The following FMN1 variants were observed in gnomAD, a reference collection of about 807,000 sequenced individuals.
The protein encoded by FMN1 is formin 1, also known as formin-1.
FMN1 carries 110 observed loss-of-function variants against 132.4 expected under a neutral mutation model. The ratio of observed to expected loss-of-function variants is 0.83; its 90% CI spans 0.71 to 0.97. FMN1 has a LOEUF of 0.97. FMN1 is among the 50% of genes least tolerant of loss of function. FMN1 has a pLI of 0.00. For synonymous variants in FMN1, 722 were observed against 651.7 expected, an observed-to-expected ratio of 1.11 and a Z score of -1.64; for missense variants, 1,792 against 1,705.3, an observed-to-expected ratio of 1.05 and a Z score of -0.90.
intron 9 of FMN1, among the ~76,000 whole-genome samples, chr15:32,959,001 C>T (rs1055795647): frequency 6.7e-6 from 1 of 150,232 alleles, no homozygotes; most frequent in Non-Finnish European, 1.5e-5. Flanking sequence ...CGAGATCACA[C>T]CATTGCACTC....
At position 32,768,719 on chromosome 15, in the gene FMN1, A is replaced by C. The variant is rs538096750; in HGVS notation, c.*5591T>G. 2.0e-5 allele frequency: 3 copies of C among 152,342 alleles called. No individual in the cohort carries two copies. Among genetic ancestry groups the C allele is most frequent in the East Asian group, 3.9e-4 (2 of 5,184 alleles). The allele number at this position is 152,342 out of a possible 1,614,324, so 9.4% of individuals were successfully genotyped here. The stretch of plus-strand genomic sequence containing the variant: ...CACACAAAGCTTGGAAAAATAGCCC[A>C]CAAGTGTAGTTGGATCAGCCTTTAG... On this transcript the variant is annotated 3_prime_UTR_variant, in exon 21 of 21. Coordinates refer to ENST00000616417, the MANE Select transcript of FMN1 (RefSeq NM_001277313.2).
rs552737246 is a variant in FMN1, at chr15:32,934,769, G to A, written c.3139-8508C>T. Among the ~76,000 whole-genome samples the A allele has an allele frequency of 3.4e-3, 522 of 151,512 alleles. 3 individuals are homozygous for A. The highest frequency in any genetic ancestry group is 0.017 in the Middle Eastern group (5 of 294). On this transcript the variant is annotated intron_variant, in intron 9 of 20. Transcript: ENST00000616417. ...TTATAGGCGTCCCCTGCCATGCTGGGCTAATTTTTGTATTTTTAATATAGG... is the reference window on the plus strand; with the variant it reads ...TTATAGGCGTCCCCTGCCATGCTGGACTAATTTTTGTATTTTTAATATAGG...
intron 4 of FMN1, among the ~76,000 whole-genome samples, chr15:33,127,081 T>C (rs1963155152): frequency 6.6e-6 from 1 of 152,174 alleles, no homozygotes; most frequent in Non-Finnish European, 1.5e-5. Context: ...CCAGGCACTG[T>C]ATCAGGAGCT....
At chr15:32,795,936 C>A (rs1331033425) in intron 19 of FMN1, among the ~76,000 whole-genome samples, 1 of 152,152 alleles carries the variant, frequency 6.6e-6, no homozygotes, top group African/African-American at 2.4e-5. Flanking sequence ...AAACCATATT[C>A]CCCAGTGAAA....
At chr15:32,911,317 C>G (rs987280556) in intron 10 of FMN1, among the ~76,000 whole-genome samples, 1 of 151,492 alleles carries the variant, frequency 6.6e-6, no homozygotes, top group African/African-American at 2.4e-5. Flanking sequence ...AATAATTATT[C>G]AAAACTAATA....
chr15:33,071,521 G>A (rs1201994599), intron 5 of FMN1, among the ~76,000 whole-genome samples: 1 of 152,178 alleles, frequency 6.6e-6, no homozygotes, highest in Non-Finnish European at 1.5e-5. Context: ...GAAATGTGTA[G>A]TTTAGTTGGA....
intron 9 of FMN1, among the ~76,000 whole-genome samples, chr15:32,943,835 A>C (rs1350904296): frequency 6.6e-6 from 1 of 152,172 alleles, no homozygotes; most frequent in African/African-American, 2.4e-5. Context: ...AAATCTTCTA[A>C]GTAATAGACA....
intron 7 of FMN1, among the ~76,000 whole-genome samples, chr15:32,986,089 A>C (rs992994791): frequency 5.9e-5 from 9 of 152,132 alleles, no homozygotes; most frequent in African/African-American, 2.2e-4. Context: ...TAGGGGTTAT[A>C]GATTTATTCT....
intron 4 of FMN1, among the ~76,000 whole-genome samples, chr15:33,111,235 A>G (rs1390308982): frequency 2.0e-5 from 3 of 152,200 alleles, no homozygotes; most frequent in African/African-American, 7.2e-5. Flanking sequence ...TAAAAAATAA[A>G]AAAACTTAAA....
At chr15:33,111,416 T>C (rs1379605554) in intron 4 of FMN1, among the ~76,000 whole-genome samples, 1 of 152,100 alleles carries the variant, frequency 6.6e-6, no homozygotes, top group Non-Finnish European at 1.5e-5. Context: ...AAAACAGTCT[T>C]GGCATTTCCT....
intron 6 of FMN1, among the ~76,000 whole-genome samples, chr15:33,060,484 T>G (rs145981472): frequency 2.0e-5 from 3 of 152,348 alleles, no homozygotes; most frequent in African/African-American, 7.2e-5. Context: ...AGGAATGGTT[T>G]ATTTCTCTAT....
chr15:32,930,506 G>A (rs538965783), intron 9 of FMN1, among the ~76,000 whole-genome samples: 2 of 151,812 alleles, frequency 1.3e-5, no homozygotes, highest in Non-Finnish European at 2.9e-5. Flanking sequence ...GTGATGTTGA[G>A]CATCTTTTCC....
At chr15:32,921,878 G>C (rs1487818181) in intron 10 of FMN1, among the ~76,000 whole-genome samples, 1 of 151,868 alleles carries the variant, frequency 6.6e-6, no homozygotes, top group Non-Finnish European at 1.5e-5. Flanking sequence ...TCGCCATGTT[G>C]GCCAGGTTGG....
At chr15:32,972,364 C>T (rs191201260) in intron 7 of FMN1, among the ~76,000 whole-genome samples, 62 of 152,272 alleles carry the variant, frequency 4.1e-4, no homozygotes, top group African/African-American at 1.3e-3. Flanking sequence ...TCTTTTCCTT[C>T]GCAGCAGAAC....
At chr15:33,006,143 A>G (rs1010024711) in intron 7 of FMN1, among the ~76,000 whole-genome samples, 2 of 152,200 alleles carry the variant, frequency 1.3e-5, no homozygotes, top group African/African-American at 4.8e-5. Context: ...ATGTTTTCAT[A>G]TATCTGATAA....
At chr15:32,922,989 T>G (rs553759200) in intron 10 of FMN1, among the ~76,000 whole-genome samples, 10 of 152,316 alleles carry the variant, frequency 6.6e-5, no homozygotes, top group South Asian at 2.1e-4. Context: ...GACAATTTTT[T>G]TTGTTGTTGT....
intron 8 of FMN1, among the ~76,000 whole-genome samples, chr15:32,967,197 T>G (rs1176655118): frequency 6.6e-6 from 1 of 152,262 alleles, no homozygotes; most frequent in African/African-American, 2.4e-5. Flanking sequence ...GAGGAAACAA[T>G]GTAGACAATG....
intron 17 of FMN1, among the ~76,000 whole-genome samples, chr15:32,854,595 G>A (rs2059081732): frequency 6.6e-6 from 1 of 152,146 alleles, no homozygotes. Context: ...TGAGCTGATT[G>A]TCACTTTTAC....
chr15:32,815,266 TTAAAG>T (rs2058021878), intron 17 of FMN1, among the ~76,000 whole-genome samples: 1 of 152,176 alleles, frequency 6.6e-6, no homozygotes, highest in Admixed American at 6.5e-5. Flanking sequence ...TATTTCTTCT[TTAAAG>T]TAGTGTTCTT....
Sources: allele counts gnomAD v4.1 joint callset (sites outside exome capture counted in the v4.1 genomes callset), GRCh38; gene constraint gnomAD v4.1.1; transcripts MANE v1.5; gene names NCBI Gene and HGNC (gene_info 2026-07-23, HGNC 2026-07-21).